The following FSHR variants were observed in gnomAD, a reference collection of about 807,000 sequenced individuals.
FSHR encodes follicle stimulating hormone receptor.
Under a neutral mutation model 52.1 loss-of-function variants are expected in FSHR, and 46 were observed. That is an observed-to-expected ratio of 0.88 (90% CI 0.70 to 1.13). FSHR has a LOEUF of 1.13. FSHR is among the 50% of genes most tolerant of loss of function. The probability of loss-of-function intolerance (pLI) is 0.00; values close to 1 mark genes in which losing one functional copy is unlikely to be tolerated. For synonymous variants in FSHR, 399 were observed against 309.6 expected, an observed-to-expected ratio of 1.29 and a Z score of -3.03; for missense variants, 964 against 834.6, an observed-to-expected ratio of 1.16 and a Z score of -1.91.
intron 1 of FSHR, among the ~76,000 whole-genome samples, chr2:49,073,326 C>T (rs1669820256): frequency 6.6e-6 from 1 of 152,050 alleles, no homozygotes; most frequent in Non-Finnish European, 1.5e-5. Flanking sequence ...ACTCTACCAA[C>T]AAACTCTTAG....
At chr2:49,100,089 A>T (rs1210070949) in intron 1 of FSHR, among the ~76,000 whole-genome samples, 1 of 152,192 alleles carries the variant, frequency 6.6e-6, no homozygotes, top group Non-Finnish European at 1.5e-5. Flanking sequence ...GTATTAACTC[A>T]TGTAATCTTC....
At chr2:48,979,292 AT>A (rs1452005586) in intron 8 of FSHR, among the ~76,000 whole-genome samples, 1 of 152,090 alleles carries the variant, frequency 6.6e-6, no homozygotes, top group Non-Finnish European at 1.5e-5. Context: ...AACAAAAAAA[AT>A]GGCCAGGTGT....
intron 2 of FSHR, among the ~76,000 whole-genome samples, chr2:49,024,539 A>G (rs1667853543): frequency 6.6e-6 from 1 of 152,180 alleles, no homozygotes; most frequent in Non-Finnish European, 1.5e-5. Flanking sequence ...CCTAAACTCC[A>G]GATTTTGGTG....
chr2:49,077,173 C>T (rs1026585126), intron 1 of FSHR, among the ~76,000 whole-genome samples: 3 of 152,238 alleles, frequency 2.0e-5, no homozygotes, highest in African/African-American at 7.2e-5. Flanking sequence ...CTGCAGCAGA[C>T]TTCTGCCTGG....
At chr2:49,103,296 C>T (rs1671100774) in intron 1 of FSHR, among the ~76,000 whole-genome samples, 1 of 152,160 alleles carries the variant, frequency 6.6e-6, no homozygotes, top group South Asian at 2.1e-4. Context: ...GAAAGATCCT[C>T]TCTTCTGTAG....
intron 2 of FSHR, among the ~76,000 whole-genome samples, chr2:49,060,546 G>C (rs1669247947): frequency 6.6e-6 from 1 of 152,108 alleles, no homozygotes; most frequent in African/African-American, 2.4e-5. Flanking sequence ...GGGCTGCCTA[G>C]AACAGTCACA....
chr2:48,963,434 T>C lies in FSHR; in HGVS notation c.1387A>G (p.Ile463Val), dbSNP rs889044499. The C allele has an allele frequency of 1.9e-6, 3 of 1,614,038 alleles. No individual in the cohort carries two copies. Among genetic ancestry groups the C allele is most frequent in the Non-Finnish European group, 1.7e-6 (2 of 1,180,020 alleles). ...SELSVYTLTA[I>V]TLERWHTITH... ...ATGGTATGCCATCTTTCCAAGGTGATAGCTGTCAGAGTGTAGACTGACAGC... is the reference window on the plus strand; with the variant it reads ...ATGGTATGCCATCTTTCCAAGGTGACAGCTGTCAGAGTGTAGACTGACAGC... The change falls in exon 10 of 10, where the codon ATC (isoleucine) becomes GTC (valine). Residue 463 changes from isoleucine (I) to valine (V), a missense_variant. Physicochemically the swap from Ile to Val is conservative, Grantham distance 29 (BLOSUM62 3). Coordinates refer to ENST00000406846, the MANE Select transcript of FSHR (RefSeq NM_000145.4).
intron 2 of FSHR, among the ~76,000 whole-genome samples, chr2:49,066,026 T>C (rs574563987): frequency 6.6e-6 from 1 of 152,118 alleles, no homozygotes; most frequent in Non-Finnish European, 1.5e-5. Flanking sequence ...TTTTGAGATC[T>C]TTGATAGAAT....
At chr2:48,997,114 G>C in intron 4 of FSHR, 2 of 532,858 alleles carry the variant, frequency 3.8e-6, no homozygotes, top group South Asian at 8.1e-5. Flanking sequence ...TTCAACTTAA[G>C]GTTTAGAGAC....
At chr2:49,031,133 TAGAG>T (rs1197447340) in intron 2 of FSHR, among the ~76,000 whole-genome samples, 1 of 152,150 alleles carries the variant, frequency 6.6e-6, no homozygotes, top group African/African-American at 2.4e-5. Flanking sequence ...AATAAAAACT[TAGAG>T]AGTAGCAACA....
chr2:49,073,185 A>G (rs575333383), intron 1 of FSHR, among the ~76,000 whole-genome samples: 38 of 152,136 alleles, frequency 2.5e-4, no homozygotes, highest in South Asian at 1.7e-3. Context: ...TTTTATTCAT[A>G]ATTATACTGG....
In FSHR at chr2:49,079,755, T is replaced by C. The variant is rs554389317; in HGVS notation, c.153-11465A>G. ...CTCAATTCCAATTTTACTAAAGATA[T>C]AAATAGGAAAAATTAAGACTTTAAA... On this transcript the variant is annotated intron_variant, in intron 1 of 9. Coordinates refer to ENST00000406846, the MANE Select transcript of FSHR (RefSeq NM_000145.4). 5.3e-5 allele frequency among the ~76,000 whole-genome samples: 8 copies of C among 152,152 alleles called. No homozygotes were observed. The East Asian group carries it at 1.5e-3, about 29-fold the overall frequency.
chr2:49,136,419 T>G (rs1457903628), intron 1 of FSHR, among the ~76,000 whole-genome samples: 1 of 152,120 alleles, frequency 6.6e-6, no homozygotes, highest in Non-Finnish European at 1.5e-5. Flanking sequence ...GGCTTCACTG[T>G]TGAATTCTAC....
chr2:49,067,115 C>T lies in FSHR; in HGVS notation c.224+1104G>A, dbSNP rs372008189. Among the ~76,000 whole-genome samples, 12 of 152,206 alleles carry T rather than the reference C, an allele frequency of 7.9e-5. No individual in the cohort carries two copies. In the East Asian group the frequency reaches 1.7e-3, roughly 22 times the overall value. ...AAATCACGTAAGCCCCTTTTTAAAA[C>T]TCCTCTCTTAATACACAGATGAGGA... is the stretch of plus-strand genomic sequence containing the variant. On this transcript the variant is annotated intron_variant, in intron 2 of 9. Transcript: ENST00000406846.
chr2:49,049,064 A>G (rs1349724898), intron 2 of FSHR, among the ~76,000 whole-genome samples: 1 of 152,092 alleles, frequency 6.6e-6, no homozygotes, highest in Non-Finnish European at 1.5e-5. Flanking sequence ...AACACCATCT[A>G]TTAAAAAAAA....
At chr2:48,973,571 G>C (rs1191385561) in intron 8 of FSHR, among the ~76,000 whole-genome samples, 1 of 152,234 alleles carries the variant, frequency 6.6e-6, no homozygotes, top group East Asian at 1.9e-4. Flanking sequence ...AAACCAGTAA[G>C]AGTGCGATAG....
At chr2:49,047,097 A>G (rs937134583) in intron 2 of FSHR, among the ~76,000 whole-genome samples, 3 of 152,200 alleles carry the variant, frequency 2.0e-5, no homozygotes, top group Non-Finnish European at 4.4e-5. Flanking sequence ...CATCCTTAAA[A>G]TTAGAATGGA....
chr2:49,133,939 A>C (rs1672392712), intron 1 of FSHR, among the ~76,000 whole-genome samples: 1 of 152,224 alleles, frequency 6.6e-6, no homozygotes, highest in African/African-American at 2.4e-5. Flanking sequence ...TAAAGGCTTA[A>C]ATGTTAGATG....
At chr2:49,077,383 C>T (rs935971796) in intron 1 of FSHR, among the ~76,000 whole-genome samples, 3 of 152,170 alleles carry the variant, frequency 2.0e-5, no homozygotes, top group Admixed American at 6.5e-5. Context: ...GAACACAGGG[C>T]GCTAAGTCCC....
Sources: allele counts gnomAD v4.1 joint callset (sites outside exome capture counted in the v4.1 genomes callset), GRCh38; gene constraint gnomAD v4.1.1; transcripts MANE v1.5; gene names NCBI Gene and HGNC (gene_info 2026-07-23, HGNC 2026-07-21).